RBFOX1: variants seen among roughly 807,000 people sequenced by gnomAD.
RBFOX1 encodes the protein RNA binding fox-1 homolog 1.
RBFOX1 carries 8 observed loss-of-function variants against 57.7 expected under a neutral mutation model. The ratio of observed to expected loss-of-function variants is 0.14; its 90% CI spans 0.08 to 0.25. The LOEUF (loss-of-function observed/expected upper bound fraction) is 0.25, where lower values mean the gene tolerates loss of function less well. Ranked by LOEUF, RBFOX1 falls within the 10% of genes least tolerant of loss-of-function variation. The pLI is 1.00. For synonymous variants in RBFOX1, 326 were observed against 222.4 expected, an observed-to-expected ratio of 1.47 and a Z score of -4.15; for missense variants, 611 against 548.5, an observed-to-expected ratio of 1.11 and a Z score of -1.14.
At chr16:7,267,062 G>A (rs973750651) in intron 4 of RBFOX1, among the ~76,000 whole-genome samples, 1 of 152,162 alleles carries the variant, frequency 6.6e-6, no homozygotes, top group African/African-American at 2.4e-5. Flanking sequence ...CCTGAGGAGA[G>A]TCGAAGTGGG....
intron 14 of RBFOX1, among the ~76,000 whole-genome samples, chr16:7,686,927 A>G (rs755061539): frequency 6.6e-6 from 1 of 152,098 alleles, no homozygotes; most frequent in Non-Finnish European, 1.5e-5. Flanking sequence ...CAAAACTCAG[A>G]TCTTTTTTTG....
At chr16:7,272,566 A>G (rs1022379060) in intron 4 of RBFOX1, among the ~76,000 whole-genome samples, 1 of 152,152 alleles carries the variant, frequency 6.6e-6, no homozygotes, top group Non-Finnish European at 1.5e-5. Context: ...GGCAACTATC[A>G]CTTGCCAGGT....
chr16:5,551,777 C>G (rs937310704), intron 2 of RBFOX1, among the ~76,000 whole-genome samples: 2 of 151,996 alleles, frequency 1.3e-5, no homozygotes, highest in South Asian at 4.2e-4. Flanking sequence ...TCTCCTAAAG[C>G]TGTCCCTCCC....
At chr16:6,200,494 T>C (rs966623909) in intron 1 of RBFOX1, among the ~76,000 whole-genome samples, 1 of 152,160 alleles carries the variant, frequency 6.6e-6, no homozygotes, top group Non-Finnish European at 1.5e-5. Flanking sequence ...ACACAACATA[T>C]GTGTTCCTAA....
chr16:7,288,012 C>G (rs1276327601), intron 4 of RBFOX1, among the ~76,000 whole-genome samples: 1 of 152,048 alleles, frequency 6.6e-6, no homozygotes, highest in East Asian at 1.9e-4. Flanking sequence ...TGTGTATTTG[C>G]TGGCTGAGAT....
chr16:6,619,592 G>T (rs140605901), intron 2 of RBFOX1, among the ~76,000 whole-genome samples: 2 of 151,454 alleles, frequency 1.3e-5, no homozygotes, highest in South Asian at 4.2e-4. Flanking sequence ...AAACCTATGC[G>T]TCTAAGGGTA....
chr16:6,908,488 A>C (rs1288501466), intron 3 of RBFOX1, among the ~76,000 whole-genome samples: 1 of 152,066 alleles, frequency 6.6e-6, no homozygotes, highest in East Asian at 1.9e-4. Context: ...CCAATCCTCT[A>C]GGAAGGTATT....
At chr16:7,238,890 G>A (rs961497487) in intron 4 of RBFOX1, among the ~76,000 whole-genome samples, 9 of 152,162 alleles carry the variant, frequency 5.9e-5, no homozygotes, top group Admixed American at 3.9e-4. Context: ...AGAACATGCA[G>A]TGTTTGGTTT....
At chr16:6,839,907 T>A (rs192299318) in intron 3 of RBFOX1, among the ~76,000 whole-genome samples, 1 of 152,206 alleles carries the variant, frequency 6.6e-6, no homozygotes, top group South Asian at 2.1e-4. Flanking sequence ...TTCTTAACTT[T>A]CAATTGCATT....
chr16:6,657,773 A>G (rs2098670424), intron 3 of RBFOX1, among the ~76,000 whole-genome samples: 1 of 152,096 alleles, frequency 6.6e-6, no homozygotes, highest in Non-Finnish European at 1.5e-5. Flanking sequence ...GTGGATTTTT[A>G]CGACTGTTGA....
intron 3 of RBFOX1, among the ~76,000 whole-genome samples, chr16:6,992,117 C>G (rs1009173558): frequency 4.6e-5 from 7 of 151,982 alleles, no homozygotes; most frequent in Admixed American, 2.6e-4. Context: ...GTAGCTGTCT[C>G]TTCCTTTCCA....
chr16:5,743,463 C>G (rs1483407370), intron 3 of RBFOX1, among the ~76,000 whole-genome samples: 1 of 152,184 alleles, frequency 6.6e-6, no homozygotes, highest in Non-Finnish European at 1.5e-5. Flanking sequence ...TACCTACAAG[C>G]TGTGCCGTTC....
At chr16:6,746,522 C>CA (rs1376109450) in intron 3 of RBFOX1, among the ~76,000 whole-genome samples, 1 of 151,820 alleles carries the variant, frequency 6.6e-6, no homozygotes, top group Non-Finnish European at 1.5e-5. Context: ...ACAAAAAATA[C>CA]AAAAAATTGC....
intron 3 of RBFOX1, among the ~76,000 whole-genome samples, chr16:5,662,382 T>G (rs2049683617): frequency 6.6e-6 from 1 of 152,222 alleles, no homozygotes; most frequent in African/African-American, 2.4e-5. Context: ...CAGGGTTACC[T>G]GACCACATAA....
At chr16:7,216,630 C>G (rs1271698585) in intron 4 of RBFOX1, among the ~76,000 whole-genome samples, 3 of 151,828 alleles carry the variant, frequency 2.0e-5, no homozygotes, top group Non-Finnish European at 4.4e-5. Flanking sequence ...TGTACTCCAG[C>G]CTGGGCAACA....
At chr16:6,344,414 T>TTTTTTTTTTTC in intron 2 of RBFOX1, among the ~76,000 whole-genome samples, 1 of 140,484 alleles carries the variant, frequency 7.1e-6, no homozygotes, top group Non-Finnish European at 1.5e-5. Context: ...TTTCTTTTTT[T>TTTTTTTTTTTC]TTTTTGAGAC....
At chr16:6,415,469 G>T (rs1025747462) in intron 2 of RBFOX1, among the ~76,000 whole-genome samples, 1 of 151,380 alleles carries the variant, frequency 6.6e-6, no homozygotes, top group Admixed American at 6.6e-5. Flanking sequence ...TTGGGAGGTC[G>T]AGGAGGGCGG....
intron 4 of RBFOX1, among the ~76,000 whole-genome samples, chr16:7,233,313 A>T (rs1250964053): frequency 6.7e-6 from 1 of 150,264 alleles, no homozygotes; most frequent in Non-Finnish European, 1.5e-5. Context: ...GACCTTTTCT[A>T]TTTAAAAGAA....
intron 1 of RBFOX1, among the ~76,000 whole-genome samples, chr16:6,149,683 C>G (rs1418790169): frequency 2.0e-5 from 3 of 152,148 alleles, no homozygotes; most frequent in Non-Finnish European, 2.9e-5. Context: ...ATGTAGAATA[C>G]TGACACTTTA....
Sources: gnomAD v4.1 joint callset for allele counts (sites outside exome capture counted in the v4.1 genomes callset) on GRCh38, gnomAD v4.1.1 for gene constraint, MANE v1.5 for transcripts, NCBI Gene and HGNC (gene_info 2026-07-23, HGNC 2026-07-21) for gene names.